Variants in CIRSR observed in about 807,000 individuals in gnomAD.
The protein encoded by CIRSR is CBF1 (RBPJ) interacting corepressor 1.
At chr2:174,388,689 G>A in the CIRSR span, among the ~76,000 whole-genome samples, 1 of 151,666 alleles carries the variant, frequency 6.6e-6, no homozygotes, top group Non-Finnish European at 1.5e-5. Flanking sequence ...CATATTTTAC[G>A]CAAACACACA....
the CIRSR span, among the ~76,000 whole-genome samples, chr2:174,366,287 A>G: frequency 6.6e-6 from 1 of 152,226 alleles, no homozygotes; most frequent in Non-Finnish European, 1.5e-5. Flanking sequence ...AATATTTGAA[A>G]TAACAATGGC....
chr2:174,380,124 A>G, the CIRSR span: 1 of 989,974 alleles, frequency 1.0e-6, no homozygotes. Flanking sequence ...TTCAGCTTAA[A>G]CACCTTTTAG....
chr2:174,352,228 T>TAC, the CIRSR span, among the ~76,000 whole-genome samples: 35 of 136,576 alleles, frequency 2.6e-4, no homozygotes, highest in African/African-American at 6.5e-4. Context: ...CACACACACA[T>TAC]ACACACACAC....
the CIRSR span, among the ~76,000 whole-genome samples, chr2:174,354,418 A>T: frequency 2.6e-5 from 2 of 76,532 alleles, no homozygotes; most frequent in African/African-American, 9.2e-5. Flanking sequence ...ATTATATATA[A>T]TATATATTAT....
At chr2:174,387,593 T>C in the CIRSR span, 1 of 1,376,318 alleles carries the variant, frequency 7.3e-7, no homozygotes, top group Non-Finnish European at 9.8e-7. Flanking sequence ...GGGTATTTGA[T>C]TCCAAAAAAC....
At chr2:174,365,354 A>G in the CIRSR span, among the ~76,000 whole-genome samples, 1 of 152,216 alleles carries the variant, frequency 6.6e-6, no homozygotes, top group Non-Finnish European at 1.5e-5. Flanking sequence ...AAACTTTCCT[A>G]CATTTTCCTG....
the CIRSR span, among the ~76,000 whole-genome samples, chr2:174,363,473 T>C: frequency 1.2e-4 from 18 of 152,340 alleles, no homozygotes; most frequent in African/African-American, 3.1e-4. Flanking sequence ...CTTACAGGCC[T>C]GTTTACCTCA....
chr2:174,388,398 G>A, the CIRSR span, among the ~76,000 whole-genome samples: 7 of 151,944 alleles, frequency 4.6e-5, no homozygotes, highest in African/African-American at 1.7e-4. Flanking sequence ...AAGGGGTTTC[G>A]CTATGTTGGC....
the CIRSR span, among the ~76,000 whole-genome samples, chr2:174,349,708 G>T: frequency 6.6e-6 from 1 of 151,756 alleles, no homozygotes. Context: ...CCAATTTTCT[G>T]ACTATACTTC....
At chr2:174,373,568 T>G in the CIRSR span, among the ~76,000 whole-genome samples, 98 of 152,322 alleles carry the variant, frequency 6.4e-4, no homozygotes, top group African/African-American at 2.3e-3. Context: ...TAACATACTA[T>G]TTTAATTTTT....
chr2:174,376,568 C>A, the CIRSR span, among the ~76,000 whole-genome samples: 3 of 150,010 alleles, frequency 2.0e-5, no homozygotes, highest in South Asian at 2.1e-4. Context: ...GAGGCCGAGG[C>A]GAGTGGATCA....
At chr2:174,348,428 A>C in the CIRSR span, 1 of 1,523,986 alleles carries the variant, frequency 6.6e-7, no homozygotes, top group African/African-American at 1.4e-5. Context: ...AAAGGTATTC[A>C]ATAAAAAAGT....
chr2:174,387,264 T>A, the CIRSR span: 1 of 156,580 alleles, frequency 6.4e-6, no homozygotes. Flanking sequence ...AAGACACCAA[T>A]GAAGAACTCT....
At chr2:174,358,020 G>C in the CIRSR span, among the ~76,000 whole-genome samples, 1 of 152,122 alleles carries the variant, frequency 6.6e-6, no homozygotes, top group Non-Finnish European at 1.5e-5. Flanking sequence ...GGAAACATAG[G>C]GTTTCTTATT....
At chr2:174,391,086 A>G in the CIRSR span, among the ~76,000 whole-genome samples, 7 of 152,360 alleles carry the variant, frequency 4.6e-5, no homozygotes, top group South Asian at 1.4e-3. Flanking sequence ...GGACTATACC[A>G]TAATTTATAA....
the CIRSR span, chr2:174,387,610 AAT>A: frequency 6.8e-7 from 1 of 1,466,734 alleles, no homozygotes; most frequent in Non-Finnish European, 9.1e-7. Flanking sequence ...AAACTGACTT[AAT>A]ATATCATTCA....
the CIRSR span, among the ~76,000 whole-genome samples, chr2:174,373,963 A>G: frequency 6.6e-6 from 1 of 152,206 alleles, no homozygotes; most frequent in Non-Finnish European, 1.5e-5. Context: ...CGTGAACGTC[A>G]TCTTGGAGAG....
At chr2:174,388,335 A>C in the CIRSR span, among the ~76,000 whole-genome samples, 1 of 152,126 alleles carries the variant, frequency 6.6e-6, no homozygotes, top group Non-Finnish European at 1.5e-5. Flanking sequence ...AGTAGCTGGG[A>C]TTACAGGACC....
chr2:174,370,543 C>A, the CIRSR span, among the ~76,000 whole-genome samples: 10 of 152,154 alleles, frequency 6.6e-5, no homozygotes, highest in Non-Finnish European at 1.3e-4. Context: ...AAATTCTTAT[C>A]CCCTTGTGGG....
Sources: gnomAD v4.1 joint callset for allele counts (sites outside exome capture counted in the v4.1 genomes callset) on GRCh38, gnomAD v4.1.1 for gene constraint, MANE v1.5 for transcripts, NCBI Gene and HGNC (gene_info 2026-07-23, HGNC 2026-07-21) for gene names.